Variants in SEZ6 observed in about 807,000 individuals in gnomAD.
SEZ6 encodes the protein seizure protein 6 homolog.
In SEZ6, 53 loss-of-function variants were observed where a neutral mutation model predicts 101.0. That is an observed-to-expected ratio of 0.52 (90% CI 0.42 to 0.66). SEZ6 has a LOEUF of 0.66. SEZ6 is among the 30% of genes least tolerant of loss of function. The pLI, the probability that SEZ6 is intolerant of heterozygous loss-of-function variation, is 0.00. For missense variants in SEZ6, 1,102 were observed against 1,289.4 expected (o/e 0.85, Z 2.23); for synonymous variants, 488 against 512.2 (o/e 0.95, Z 0.64).
intron 1 of SEZ6, among the ~76,000 whole-genome samples, chr17:28,985,843 G>T (rs2041372521): frequency 6.6e-6 from 1 of 152,214 alleles, no homozygotes; most frequent in Non-Finnish European, 1.5e-5. Flanking sequence ...ATGTCGGTGG[G>T]GGACACAGCG....
At position 28,959,061 on chromosome 17, in the gene SEZ6, G is replaced by A; in HGVS notation, c.2071C>T (p.Leu691=). The A allele has an allele frequency of 6.2e-7, 1 of 1,613,952 alleles. No homozygotes were observed. Among genetic ancestry groups the A allele is most frequent in the Non-Finnish European group, 8.5e-7 (1 of 1,179,846 alleles). The change falls in exon 10 of 17, where the codon CTG becomes TTG. Residue 691 remains leucine, a synonymous_variant. Transcript: ENST00000317338. This position sits in a 1 kb window ranked among gnomAD's most constrained non-coding sequence, Gnocchi z 4.4. Reference sequence around the variant, plus strand: ...ATGACGAAGCCCTGCTGGTAGCCCAGCACTGAGGTCCCGGGGTCCGACTGG... The same window carrying A: ...ATGACGAAGCCCTGCTGGTAGCCCAACACTGAGGTCCCGGGGTCCGACTGG... ...QFQSDPGTSV[L]GYQQGFVIHF...
intron 1 of SEZ6, among the ~76,000 whole-genome samples, chr17:28,996,282 C>A (rs568235829): frequency 4.0e-4 from 61 of 152,170 alleles, no homozygotes; most frequent in African/African-American, 1.4e-3. Flanking sequence ...GGGAGGTCAT[C>A]GTGGGACCTC....
chr17:28,995,348 G>A (rs1206090817), intron 1 of SEZ6, among the ~76,000 whole-genome samples: 3 of 146,116 alleles, frequency 2.1e-5, no homozygotes, highest in Admixed American at 6.7e-5. Context: ...GCATGTATGT[G>A]GGGGGGGGTG....
intron 3 of SEZ6, among the ~76,000 whole-genome samples, chr17:28,977,041 T>C (rs1040133273): frequency 6.6e-6 from 1 of 152,270 alleles, no homozygotes; most frequent in African/African-American, 2.4e-5. Flanking sequence ...GCATGGCACA[T>C]AGCAAATTCT....
In SEZ6 at chr17:28,981,670, G is replaced by A. The variant is rs768954708; in HGVS notation, c.425C>T (p.Pro142Leu). 1.0e-4 allele frequency: 158 copies of A among 1,574,616 alleles called. No individual in the cohort carries two copies. Among genetic ancestry groups the A allele is most frequent in the Non-Finnish European group, 1.2e-4 (141 of 1,156,332 alleles). Residue 142 changes from proline (P) to leucine (L), a missense_variant, in exon 2 of 17, where the codon CCG becomes CTG. Transcript: ENST00000317338. ...QPQSKEGPWS[P>L]ESESPMLRIT... The stretch of plus-strand genomic sequence containing the variant: ...TCGAAGCATAGGGGACTCTGACTCC[G>A]GACTCCAGGGTCCCTCCTTGGACTG...
intron 10 of SEZ6, 141 bp downstream of exon 10, chr17:28,958,884 G>A: frequency 1.1e-6 from 1 of 948,072 alleles, no homozygotes; most frequent in Non-Finnish European, 1.5e-6. Flanking sequence ...TGGAGAACAG[G>A]ACTAGCTTCC....
intron 3 of SEZ6, among the ~76,000 whole-genome samples, chr17:28,972,105 C>T (rs2041159169): frequency 6.6e-6 from 1 of 152,262 alleles, no homozygotes; most frequent in South Asian, 2.1e-4. Context: ...CCTTCTTCCC[C>T]TCCTGGTGAA....
chr17:28,995,835 G>C (rs573468129), intron 1 of SEZ6, among the ~76,000 whole-genome samples: 106 of 152,040 alleles, frequency 7.0e-4, no homozygotes, highest in Non-Finnish European at 1.4e-3. Flanking sequence ...TGGCAGAGTT[G>C]AGCTGTAGTA....
chr17:29,000,324 G>T (rs779713434), intron 1 of SEZ6, among the ~76,000 whole-genome samples: 3 of 152,208 alleles, frequency 2.0e-5, no homozygotes, highest in Admixed American at 6.5e-5. Context: ...TGGCTGTACA[G>T]CCTCAGGGTA....
chr17:28,969,852 C>T lies in SEZ6; in HGVS notation c.959G>A (p.Gly320Asp), dbSNP rs770882899. Reference sequence around the variant, plus strand: ...GTGGGTGGGGCTGCGGATGACTTGGCCCCGCAGCAGGAAAGACTGGTTGGC... The same window carrying T: ...GTGGGTGGGGCTGCGGATGACTTGGTCCCGCAGCAGGAAAGACTGGTTGGC... ...PLANQSFLLR[G>D]QVIRSPTHQA... Residue 320 changes from glycine to aspartate, a missense_variant, in exon 4 of 17, where the codon GGC becomes GAC. By Grantham distance (94) the Gly-to-Asp change is moderately conservative. Around this residue, in one of 3 missense-constraint regions of SEZ6, gnomAD observed 406 missense variants for 418.6 expected, o/e 0.97. Transcript: ENST00000317338. 2 of 1,533,958 alleles carry T rather than the reference C, an allele frequency of 1.3e-6. No homozygotes were observed. The highest frequency in any genetic ancestry group is 2.6e-5 in the East Asian group (1 of 38,788).
In SEZ6 at chr17:28,959,020, C is replaced by T. The variant is rs2040929089; in HGVS notation, c.2107+5G>A. On this transcript the variant is annotated splice_donor_5th_base_variant and intron_variant, in intron 10 of 16. Transcript: ENST00000317338. This position sits in a 1 kb window ranked among gnomAD's most constrained non-coding sequence, Gnocchi z 4.4. The stretch of plus-strand genomic sequence containing the variant: ...GCACTCTGAGTGGGGTAGGGACAAG[C>T]TCACCAAAGAAGTGGATGACGAAGC... 3 of 1,608,140 alleles carry T rather than the reference C, an allele frequency of 1.9e-6. No homozygotes were observed. Among genetic ancestry groups the T allele is most frequent in the African/African-American group, 1.3e-5 (1 of 74,890 alleles).
chr17:28,984,673 C>T (rs553904939), intron 1 of SEZ6, among the ~76,000 whole-genome samples: 10 of 152,282 alleles, frequency 6.6e-5, no homozygotes, highest in East Asian at 1.9e-4. Context: ...TTGGTCCCAG[C>T]GGGTGCCACC....
intron 1 of SEZ6, 120 bp from the exon 2 acceptor site, chr17:28,982,159 C>T: frequency 2.1e-6 from 3 of 1,423,412 alleles, no homozygotes; most frequent in Non-Finnish European, 2.7e-6. Flanking sequence ...AGCGTGCTCA[C>T]TGCTGAGAAT....
intron 3 of SEZ6, 98 bp downstream of exon 3, chr17:28,979,582 C>T: frequency 6.5e-7 from 1 of 1,543,130 alleles, no homozygotes. Context: ...ACAATTGATG[C>T]CCCTAATCAT....
At chr17:28,957,858 C>G in intron 11 of SEZ6, 89 bp downstream of exon 11, 7 of 1,417,064 alleles carry the variant, frequency 4.9e-6, no homozygotes, top group Middle Eastern at 1.8e-4. Flanking sequence ...AAGATACTAG[C>G]TAATAACAGC....
In SEZ6 at chr17:28,956,419, G is replaced by T; in HGVS notation, c.2780C>A (p.Ala927Glu). The T allele has an allele frequency of 6.4e-7, 1 of 1,566,196 alleles. No homozygotes were observed. Among genetic ancestry groups the T allele is most frequent in the East Asian group, 2.4e-5 (1 of 42,162 alleles). ...ASSTLDAAHI[A>E]AAIFLPLVAM... ...CACCAGTGGCAAGAAGATGGCAGCT[G>T]CAATGTGGGCAGCATCCAGGGTGCT... The change falls in exon 15 of 17, where the codon GCA becomes GAA. Residue 927 changes from alanine (A) to glutamate (E), a missense_variant. By Grantham distance (107) the Ala-to-Glu change is moderately radical. Coordinates refer to ENST00000317338, the MANE Select transcript of SEZ6 (RefSeq NM_178860.5).
At position 28,959,011 on chromosome 17, in the gene SEZ6, A is replaced by G. The variant is rs2040928911; in HGVS notation, c.2107+14T>C. ...TTGCTGTCTGCACTCTGAGTGGGGT[A>G]GGGACAAGCTCACCAAAGAAGTGGA... On this transcript the variant is annotated intron_variant, in intron 10 of 16. Coordinates refer to ENST00000317338, the MANE Select transcript of SEZ6 (RefSeq NM_178860.5). This position sits in a 1 kb window ranked among gnomAD's most constrained non-coding sequence, Gnocchi z 4.4. The G allele has an allele frequency of 3.7e-6, 6 of 1,603,692 alleles. No individual in the cohort carries two copies. The highest frequency in any genetic ancestry group is 5.1e-6 in the Non-Finnish European group (6 of 1,173,916).
intron 2 of SEZ6, among the ~76,000 whole-genome samples, chr17:28,981,154 C>T (rs1056471580): frequency 2.0e-5 from 3 of 152,204 alleles, no homozygotes; most frequent in African/African-American, 7.2e-5. Flanking sequence ...CCTCTGCCTC[C>T]CAAAGTGCTG....
chr17:29,003,039 C>T (rs1197827505), intron 1 of SEZ6, among the ~76,000 whole-genome samples: 1 of 152,172 alleles, frequency 6.6e-6, no homozygotes, highest in Middle Eastern at 3.2e-3. Flanking sequence ...AGCCTCCATT[C>T]CTGAGACCCA....
Sources: allele counts gnomAD v4.1 joint callset (sites outside exome capture counted in the v4.1 genomes callset), GRCh38; gene constraint gnomAD v4.1.1; regional missense constraint gnomAD v4.1.1; non-coding constraint Gnocchi (gnomAD v3.1); transcripts MANE v1.5; gene names NCBI Gene and HGNC (gene_info 2026-07-23, HGNC 2026-07-21).